The following HECW1 variants were observed in gnomAD, a reference collection of about 807,000 sequenced individuals.
HECW1 encodes the protein HECT, C2 and WW domain containing E3 ubiquitin protein ligase 1, also known as E3 ubiquitin-protein ligase HECW1.
HECW1 carries 61 observed loss-of-function variants against 182.3 expected under a neutral mutation model. That is an observed-to-expected ratio of 0.33 (90% CI 0.27 to 0.41). HECW1 has a LOEUF of 0.41. HECW1 is among the 10% of genes least tolerant of loss of function. The pLI is 1.00. For missense variants in HECW1, 1,739 were observed against 2,108.9 expected (o/e 0.82, Z 3.44); for synonymous variants, 859 against 832.6 (o/e 1.03, Z -0.55).
intron 2 of HECW1, among the ~76,000 whole-genome samples, chr7:43,131,389 G>A (rs181004415): frequency 6.6e-6 from 1 of 152,240 alleles, no homozygotes; most frequent in Admixed American, 6.5e-5. Flanking sequence ...CACACTGCTG[G>A]GCTTTCCAAT....
At chr7:43,551,461 A>C (rs942518185) in intron 27 of HECW1, among the ~76,000 whole-genome samples, 2 of 152,228 alleles carry the variant, frequency 1.3e-5, no homozygotes, top group African/African-American at 4.8e-5. Flanking sequence ...GCTCAATTTT[A>C]GGAAATAAGT....
chr7:43,421,000 G>C (rs1447484435), intron 8 of HECW1, among the ~76,000 whole-genome samples: 1 of 150,642 alleles, frequency 6.6e-6, no homozygotes, highest in Non-Finnish European at 1.5e-5. Flanking sequence ...TCTTGAAAAA[G>C]AAAAGAAAAA....
At chr7:43,477,224 G>A (rs2078252511) in intron 16 of HECW1, among the ~76,000 whole-genome samples, 1 of 152,124 alleles carries the variant, frequency 6.6e-6, no homozygotes, top group Admixed American at 6.5e-5. Context: ...ATGGTAACAT[G>A]ATAGATCTGG....
intron 2 of HECW1, among the ~76,000 whole-genome samples, chr7:43,123,159 G>C (rs1193406576): frequency 6.6e-6 from 1 of 152,190 alleles, no homozygotes; most frequent in African/African-American, 2.4e-5. Context: ...TTTTGTACCA[G>C]ACGCTGGGCT....
intron 2 of HECW1, among the ~76,000 whole-genome samples, chr7:43,133,071 C>T (rs901161024): frequency 1.3e-5 from 2 of 151,966 alleles, no homozygotes; most frequent in East Asian, 1.9e-4. Flanking sequence ...TTAACTAGTG[C>T]GTTTTTTCCT....
intron 3 of HECW1, among the ~76,000 whole-genome samples, chr7:43,265,461 T>C (rs1438473238): frequency 1.3e-5 from 2 of 152,208 alleles, no homozygotes; most frequent in Admixed American, 6.5e-5. Context: ...GAAGCTATAA[T>C]ATCAGATAAC....
At chr7:43,114,072 A>G in intron 1 of HECW1, 85 bp from the exon 2 acceptor site, 1 of 423,604 alleles carries the variant, frequency 2.4e-6, no homozygotes, top group Non-Finnish European at 4.3e-6. Context: ...ATATTATTTG[A>G]CGTTGCTGTA....
In HECW1 at chr7:43,311,846, G is replaced by C; in HGVS notation, c.111G>C (p.Glu37Asp). 1.2e-6 allele frequency: 2 copies of C among 1,614,182 alleles called. No individual in the cohort carries two copies. Among genetic ancestry groups the C allele is most frequent in the Non-Finnish European group, 1.7e-6 (2 of 1,180,016 alleles). Residue 37 changes from glutamate (E) to aspartate (D), a missense_variant, in exon 4 of 30, where the codon GAG (glutamate) becomes GAC (aspartate). Glu to Asp is a conservative substitution (Grantham distance 45). Coordinates refer to ENST00000395891, the MANE Select transcript of HECW1 (RefSeq NM_015052.5). Reference protein sequence around the residue: ...RNSQSRRRCKEPLRYSYNPDQ... With the variant: ...RNSQSRRRCKDPLRYSYNPDQ... ...CCCAGAGCCGACGCCGGTGCAAGGA[G>C]CCGCTCCGATACAGCTACAACCCCG...
At chr7:43,469,777 CT>C (rs1170523255) in intron 16 of HECW1, among the ~76,000 whole-genome samples, 1 of 152,216 alleles carries the variant, frequency 6.6e-6, no homozygotes, top group Non-Finnish European at 1.5e-5. Flanking sequence ...AGAACTGAAC[CT>C]GTGTAACCTT....
chr7:43,548,415 C>T (rs967390061), intron 26 of HECW1, among the ~76,000 whole-genome samples: 2 of 152,098 alleles, frequency 1.3e-5, no homozygotes, highest in Non-Finnish European at 2.9e-5. Flanking sequence ...AAGGGTCAGC[C>T]TGTATACCTG....
chr7:43,478,364 TGAG>T (rs2078294651), intron 16 of HECW1, among the ~76,000 whole-genome samples: 1 of 152,040 alleles, frequency 6.6e-6, no homozygotes, highest in Non-Finnish European at 1.5e-5. Flanking sequence ...TGCAGTGAGC[TGAG>T]ATCGCGCCAC....
At chr7:43,501,372 C>T (rs1366824851) in intron 21 of HECW1, 50 bp downstream of exon 21, 7 of 1,033,960 alleles carry the variant, frequency 6.8e-6, no homozygotes, top group Non-Finnish European at 1.1e-5. Flanking sequence ...ACGTGTGTTT[C>T]CTCCAGTGAA....
At chr7:43,309,452 G>C (rs1248712763) in intron 3 of HECW1, among the ~76,000 whole-genome samples, 1 of 152,164 alleles carries the variant, frequency 6.6e-6, no homozygotes, top group African/African-American at 2.4e-5. Context: ...GTGATCACTG[G>C]CGTAATTTGA....
intron 19 of HECW1, among the ~76,000 whole-genome samples, chr7:43,500,020 G>A (rs1013239096): frequency 6.6e-6 from 1 of 151,710 alleles, no homozygotes; most frequent in Non-Finnish European, 1.5e-5. Context: ...TTTCCATCAG[G>A]CACAAGATTT....
intron 12 of HECW1, among the ~76,000 whole-genome samples, chr7:43,452,777 CAGTTTTAA>C (rs980132865): frequency 6.6e-6 from 1 of 152,128 alleles, no homozygotes; most frequent in African/African-American, 2.4e-5. Context: ...GGCTGGTTTG[CAGTTTTAA>C]AACAAGTGGT....
chr7:43,307,473 T>C (rs1349735390), intron 3 of HECW1, among the ~76,000 whole-genome samples: 1 of 152,120 alleles, frequency 6.6e-6, no homozygotes, highest in African/African-American at 2.4e-5. Flanking sequence ...AGGTCTCCTG[T>C]TGGGGAGATC....
At chr7:43,164,611 G>T (rs562297723) in intron 2 of HECW1, among the ~76,000 whole-genome samples, 9 of 152,194 alleles carry the variant, frequency 5.9e-5, no homozygotes, top group Non-Finnish European at 1.3e-4. Flanking sequence ...TCAGGCCCCT[G>T]CAGGGCCAGC....
At chr7:43,433,517 A>G (rs2076615437) in intron 8 of HECW1, among the ~76,000 whole-genome samples, 1 of 152,230 alleles carries the variant, frequency 6.6e-6, no homozygotes, top group African/African-American at 2.4e-5. Flanking sequence ...GCATCCCAAC[A>G]TCTGCGCTTA....
chr7:43,351,968 C>G (rs1049441089), intron 5 of HECW1, among the ~76,000 whole-genome samples: 2 of 152,076 alleles, frequency 1.3e-5, no homozygotes, highest in African/African-American at 4.8e-5. Context: ...AGGGAATTAC[C>G]AGAGCTTTCC....
Sources: gnomAD v4.1 joint callset for allele counts (sites outside exome capture counted in the v4.1 genomes callset) on GRCh38, gnomAD v4.1.1 for gene constraint, MANE v1.5 for transcripts, NCBI Gene and HGNC (gene_info 2026-07-23, HGNC 2026-07-21) for gene names.